COL4A5: variants seen among roughly 807,000 people sequenced by gnomAD.
COL4A5 encodes the protein collagen alpha-5(IV) chain.
In COL4A5, 26 loss-of-function variants were observed where a neutral mutation model predicts 130.2. The observed-to-expected ratio is 0.20, with a 90% CI of 0.15 to 0.28. COL4A5 has a LOEUF of 0.28. Among genes scored for constraint, COL4A5 ranks in the 10% least tolerant of loss-of-function variants. COL4A5 has a pLI of 1.00. For synonymous variants in COL4A5, 496 were observed against 439.6 expected (o/e 1.13, Z -1.60); for missense variants, 1,131 against 1,344.3 (o/e 0.84, Z 2.48).
chrX:108,544,696 C>T (rs887593795), intron 2 of COL4A5, among the ~76,000 whole-genome samples: 2 of 111,038 alleles, frequency 1.8e-5, no homozygotes, highest in Non-Finnish European at 3.8e-5. Context: ...AGCAGCTCCT[C>T]CTTGTACCTC....
intron 7 of COL4A5, 135 bp from the exon 8 acceptor site, chrX:108,571,676 T>C: frequency 3.2e-5 from 18 of 565,566 alleles, no homozygotes; most frequent in Non-Finnish European, 3.0e-6. Flanking sequence ...CACCTCTAAG[T>C]ATCCTAAGGT....
At chrX:108,665,742 A>G (rs1361738973) in intron 38 of COL4A5, among the ~76,000 whole-genome samples, 155 bp downstream of exon 38, 1 of 112,759 alleles carries the variant, frequency 8.9e-6, no homozygotes, top group Non-Finnish European at 1.9e-5. Context: ...CAGAATGAAT[A>G]ACTTTTAATA....
chrX:108,637,853 C>CT (rs780689078), intron 36 of COL4A5, among the ~76,000 whole-genome samples: 1,814 of 100,197 alleles, frequency 0.018, 28 homozygotes, highest in African/African-American at 0.052. Flanking sequence ...TTCTACCAAT[C>CT]TTTTTTTTTT....
intron 1 of COL4A5, among the ~76,000 whole-genome samples, chrX:108,532,745 G>A (rs1184983387): frequency 9.0e-6 from 1 of 111,174 alleles, no homozygotes; most frequent in Non-Finnish European, 1.9e-5. Flanking sequence ...TCTACACACC[G>A]ATAATGATCT....
intron 1 of COL4A5, among the ~76,000 whole-genome samples, chrX:108,460,011 TTTTCCTA>T (rs2064626889): frequency 8.9e-6 from 1 of 112,160 alleles, no homozygotes; most frequent in South Asian, 3.7e-4. Context: ...GGGAAGACAT[TTTTCCTA>T]ACTTTCCTAC....
intron 6 of COL4A5, among the ~76,000 whole-genome samples, chrX:108,569,810 G>A (rs1430484781): frequency 1.8e-5 from 2 of 110,390 alleles, no homozygotes; most frequent in African/African-American, 6.6e-5. Flanking sequence ...CTCCTGAGCA[G>A]CTGGGATTAC....
chrX:108,591,455 T>C, intron 20 of COL4A5, 106 bp from the exon 21 acceptor site: 2 of 721,694 alleles, frequency 2.8e-6, no homozygotes, highest in Non-Finnish European at 4.3e-6. Flanking sequence ...ATAGGTACTT[T>C]TATTTCTTCA....
At chrX:108,540,577 A>G (rs1296289546) in intron 2 of COL4A5, among the ~76,000 whole-genome samples, 2 of 111,096 alleles carry the variant, frequency 1.8e-5, no homozygotes, top group Non-Finnish European at 3.8e-5. Context: ...CAGCCTGCCA[A>G]GTAGCTGGGA....
At chrX:108,611,739 A>G (rs1172125716) in intron 29 of COL4A5, among the ~76,000 whole-genome samples, 2 of 110,764 alleles carry the variant, frequency 1.8e-5, no homozygotes, top group Non-Finnish European at 3.8e-5. Flanking sequence ...AAGCAGTAAC[A>G]CCAATTCTAC....
intron 35 of COL4A5, 64 bp from the exon 36 acceptor site, chrX:108,626,146 A>G: frequency 9.2e-7 from 1 of 1,086,691 alleles, no homozygotes; most frequent in East Asian, 3.1e-5. Flanking sequence ...TGTCATATGC[A>G]TCTTAGATAA....
At position 108,655,347 on chromosome X, in the gene COL4A5, C is replaced by T. The variant is rs2067818255; in HGVS notation, c.3263C>T (p.Pro1088Leu). The change falls in exon 37 of 53, where the codon CCT becomes CTT. Residue 1088 changes from proline to leucine, a missense_variant. By Grantham distance (98) the Pro-to-Leu change is moderately conservative (BLOSUM62 -3). Coordinates refer to ENST00000328300, the MANE Select transcript of COL4A5 (RefSeq NM_033380.3). ...TGTTTTCAGGGTGAGCCTGGTCTGC[C>T]TGGATACCCAGGGAACCCTGGTATC... ...LPGPKGEPGLPGYPGNPGIKG... is the reference protein window; with the variant it reads ...LPGPKGEPGLLGYPGNPGIKG... 8.3e-7 allele frequency: 1 copy of T among 1,208,336 alleles called. No individual in the cohort carries two copies. The highest frequency in any genetic ancestry group is 1.8e-5 in the South Asian group (1 of 56,764).
chrX:108,676,915 C>T (rs1438649006), intron 43 of COL4A5: 1 of 112,017 alleles, frequency 8.9e-6, no homozygotes, highest in African/African-American at 3.2e-5. Flanking sequence ...AATTATTGGG[C>T]CTCTCCTAAG....
At chrX:108,477,629 C>T (rs1027213467) in intron 1 of COL4A5, among the ~76,000 whole-genome samples, 5 of 109,123 alleles carry the variant, frequency 4.6e-5, no homozygotes, top group African/African-American at 1.7e-4. Flanking sequence ...GCCTGGCCAA[C>T]GTGGAGAAAA....
chrX:108,684,251 A>G (rs892745766), intron 47 of COL4A5, among the ~76,000 whole-genome samples: 1 of 111,608 alleles, frequency 9.0e-6, no homozygotes, highest in Non-Finnish European at 1.9e-5. Flanking sequence ...AGAAGGCAAG[A>G]AATAACTAAG....
At chrX:108,620,171 G>T in intron 30 of COL4A5, 88 bp from the exon 31 acceptor site, 1 of 787,966 alleles carries the variant, frequency 1.3e-6, no homozygotes, top group Admixed American at 2.3e-5. Flanking sequence ...TATCTACAGG[G>T]TTCTATCACT....
intron 36 of COL4A5, chrX:108,627,154 T>A (rs1427492701): frequency 1.5e-6 from 1 of 666,795 alleles, no homozygotes; most frequent in African/African-American, 2.4e-5. Flanking sequence ...GTATGTTCAT[T>A]CCAGTTTAAC....
intron 1 of COL4A5, among the ~76,000 whole-genome samples, chrX:108,459,881 A>G (rs1446207085): frequency 8.9e-6 from 1 of 112,477 alleles, no homozygotes; most frequent in Non-Finnish European, 1.9e-5. Flanking sequence ...ATTTTGCTTC[A>G]TTTTAACTGT....
At chrX:108,510,047 A>C (rs2065165813) in intron 1 of COL4A5, among the ~76,000 whole-genome samples, 1 of 112,392 alleles carries the variant, frequency 8.9e-6, no homozygotes, top group Non-Finnish European at 1.9e-5. Flanking sequence ...TAGCAAACTA[A>C]TGCCAGAACA....
At chrX:108,456,375 G>C (rs1297224211) in intron 1 of COL4A5, among the ~76,000 whole-genome samples, 1 of 111,721 alleles carries the variant, frequency 9.0e-6, no homozygotes, top group Non-Finnish European at 1.9e-5. Context: ...TATTATTTTT[G>C]ACAGATGTAT....
Sources: allele counts gnomAD v4.1 joint callset (sites outside exome capture counted in the v4.1 genomes callset), GRCh38; gene constraint gnomAD v4.1.1; transcripts MANE v1.5; gene names NCBI Gene and HGNC (gene_info 2026-07-23, HGNC 2026-07-21).